SNTB1: variants seen among roughly 807,000 people sequenced by gnomAD.
The protein encoded by SNTB1 is syntrophin beta 1.
Under a neutral mutation model 48.9 loss-of-function variants are expected in SNTB1, and 36 were observed. The observed-to-expected ratio is 0.74, with a 90% confidence interval of 0.56 to 0.97. The LOEUF is 0.97. Ranked by LOEUF, SNTB1 falls within the 50% of genes least tolerant of loss-of-function variation. The pLI is 0.00. For missense variants in SNTB1, 786 were observed against 703.4 expected, an observed-to-expected ratio of 1.12 and a Z score of -1.33; for synonymous variants, 299 against 294.6, an observed-to-expected ratio of 1.01 and a Z score of -0.15.
intron 4 of SNTB1, 21 bp downstream of exon 4, chr8:120,575,065 C>T: frequency 6.2e-7 from 1 of 1,614,040 alleles, no homozygotes; most frequent in Non-Finnish European, 8.5e-7. Context: ...CACATCATAC[C>T]AAACACAAGG....
intron 5 of SNTB1, among the ~76,000 whole-genome samples, chr8:120,545,400 G>C (rs192533425): frequency 6.6e-6 from 1 of 152,186 alleles, no homozygotes; most frequent in South Asian, 2.1e-4. Context: ...GGCGTTATAC[G>C]ACTCAAAGAG....
intron 1 of SNTB1, among the ~76,000 whole-genome samples, chr8:120,743,581 A>G (rs1294495662): frequency 6.6e-6 from 1 of 152,194 alleles, no homozygotes; most frequent in Non-Finnish European, 1.5e-5. Context: ...TAGAAGTAGT[A>G]ATTCCCTGTT....
At chr8:120,574,364 T>C (rs1241324377) in intron 4 of SNTB1, among the ~76,000 whole-genome samples, 1 of 152,142 alleles carries the variant, frequency 6.6e-6, no homozygotes, top group Non-Finnish European at 1.5e-5. Flanking sequence ...TTATGTTACA[T>C]GTTGTTATCA....
rs140204477 is a variant in SNTB1, at chr8:120,623,131, C to A, written c.996+9313G>T. On this transcript the variant is annotated intron_variant, in intron 3 of 6. Transcript: ENST00000517992. ...TCTGCAGCCTAGCCTGCTTCACTCA[C>A]TTCCTTACAGGTTTCTCCTAAGAGC... Among the ~76,000 whole-genome samples the A allele has an allele frequency of 4.1e-3, 627 of 152,336 alleles. 6 individuals are homozygous for A. The highest frequency in any genetic ancestry group is 0.014 in the African/African-American group (600 of 41,566).
chr8:120,748,397 G>A (rs779768996), intron 1 of SNTB1, among the ~76,000 whole-genome samples: 1 of 152,152 alleles, frequency 6.6e-6, no homozygotes, highest in Non-Finnish European at 1.5e-5. Flanking sequence ...GAACTGCAGT[G>A]TGGAAATTCA....
At chr8:120,767,359 AC>A (rs1563595462) in intron 1 of SNTB1, among the ~76,000 whole-genome samples, 1 of 151,822 alleles carries the variant, frequency 6.6e-6, no homozygotes, top group Non-Finnish European at 1.5e-5. Context: ...AAACTTCTAA[AC>A]CCCCTCCCAC....
chr8:120,609,727 A>C (rs1816589864), intron 3 of SNTB1, among the ~76,000 whole-genome samples: 1 of 152,238 alleles, frequency 6.6e-6, no homozygotes, highest in Non-Finnish European at 1.5e-5. Flanking sequence ...AACTGTGTCA[A>C]ACCTCTCTTT....
Position 120,759,191 on chromosome 8 carries a change from C to T in SNTB1, c.571+52082G>A, listed in dbSNP as rs546932129. On this transcript the variant is annotated intron_variant, in intron 1 of 6. Transcript: ENST00000517992. Reference sequence around the variant, plus strand: ...AGTTCTGAAGTTCTCCTATTCTCCACAGAGATAATAACATACATGTATTAT... The same window carrying T: ...AGTTCTGAAGTTCTCCTATTCTCCATAGAGATAATAACATACATGTATTAT... 2.6e-5 allele frequency among the ~76,000 whole-genome samples: 4 copies of T among 152,298 alleles called. No homozygotes were observed. In the South Asian group the frequency reaches 8.3e-4, roughly 32 times the overall value.
chr8:120,730,169 AT>A (rs1019915402), intron 1 of SNTB1, among the ~76,000 whole-genome samples: 2 of 151,854 alleles, frequency 1.3e-5, no homozygotes, highest in Non-Finnish European at 2.9e-5. Context: ...TATTATGATT[AT>A]TTTTTTGAGA....
intron 2 of SNTB1, among the ~76,000 whole-genome samples, chr8:120,664,439 T>C (rs1418943228): frequency 6.6e-6 from 1 of 152,246 alleles, no homozygotes; most frequent in African/African-American, 2.4e-5. Context: ...ATTTTAGACA[T>C]ACATACCCCC....
intron 4 of SNTB1, among the ~76,000 whole-genome samples, chr8:120,563,017 T>C (rs1318109386): frequency 1.3e-5 from 2 of 152,014 alleles, no homozygotes; most frequent in Non-Finnish European, 2.9e-5. Context: ...ATTCTTCAAT[T>C]CCCCTTTCAA....
intron 3 of SNTB1, among the ~76,000 whole-genome samples, chr8:120,625,369 C>T (rs763409812): frequency 3.3e-5 from 5 of 152,128 alleles, no homozygotes; most frequent in Non-Finnish European, 7.3e-5. Flanking sequence ...ATGTACACAC[C>T]CCCCTGTCTT....
intron 1 of SNTB1, among the ~76,000 whole-genome samples, chr8:120,727,602 A>T (rs1384273050): frequency 6.6e-6 from 1 of 152,214 alleles, no homozygotes; most frequent in Non-Finnish European, 1.5e-5. Context: ...AACTACCACC[A>T]GGTGTTTTTT....
intron 4 of SNTB1, among the ~76,000 whole-genome samples, chr8:120,560,954 G>A (rs1815644251): frequency 6.6e-6 from 1 of 152,066 alleles, no homozygotes; most frequent in Non-Finnish European, 1.5e-5. Flanking sequence ...ACGGCTATAT[G>A]ACTACAGAGT....
intron 3 of SNTB1, among the ~76,000 whole-genome samples, chr8:120,594,305 T>G (rs1816289971): frequency 6.6e-6 from 1 of 152,138 alleles, no homozygotes; most frequent in African/African-American, 2.4e-5. Flanking sequence ...TGGTGCAGTC[T>G]CAGCTCACTG....
intron 1 of SNTB1, among the ~76,000 whole-genome samples, chr8:120,730,105 C>T (rs1333188510): frequency 1.3e-5 from 2 of 152,104 alleles, no homozygotes; most frequent in African/African-American, 4.8e-5. Context: ...ATTAAGTACC[C>T]ACCTATCCTA....
chr8:120,594,194 G>A (rs551050391), intron 3 of SNTB1, among the ~76,000 whole-genome samples: 6 of 151,502 alleles, frequency 4.0e-5, no homozygotes, highest in African/African-American at 7.3e-5. Context: ...CTCCTGAGTC[G>A]CTGGCACTAC....
At chr8:120,631,718 G>T (rs1049892777) in intron 3 of SNTB1, among the ~76,000 whole-genome samples, 3 of 152,094 alleles carry the variant, frequency 2.0e-5, no homozygotes, top group Non-Finnish European at 4.4e-5. Flanking sequence ...CACAGAGTGA[G>T]TTTTACTATC....
At chr8:120,670,136 A>G (rs1341525327) in intron 2 of SNTB1, among the ~76,000 whole-genome samples, 2 of 152,216 alleles carry the variant, frequency 1.3e-5, no homozygotes, top group African/African-American at 4.8e-5. Context: ...GTGCTTTAGG[A>G]CACAAACGAA....
Sources: gnomAD v4.1 joint callset for allele counts (sites outside exome capture counted in the v4.1 genomes callset) on GRCh38, gnomAD v4.1.1 for gene constraint, MANE v1.5 for transcripts, NCBI Gene and HGNC (gene_info 2026-07-23, HGNC 2026-07-21) for gene names.